Variants in TVP23C observed in about 807,000 individuals in gnomAD.
The protein encoded by TVP23C is trans-golgi network vesicle protein 23 homolog C.
A neutral mutation model predicts 28.7 loss-of-function variants in TVP23C; 19 were observed. The observed-to-expected ratio is 0.66, with a 90% confidence interval of 0.46 to 0.97. The LOEUF is 0.97. Ranked by LOEUF, TVP23C falls within the 50% of genes least tolerant of loss-of-function variation. TVP23C has a pLI of 0.00. For synonymous variants in TVP23C, 68 were observed against 81.7 expected, an observed-to-expected ratio of 0.83 and a Z score of 0.90; for missense variants, 186 against 241.3, an observed-to-expected ratio of 0.77 and a Z score of 1.52.
chr17:15,559,549 G>A (rs1367229206), intron 1 of TVP23C, among the ~76,000 whole-genome samples: 1 of 148,542 alleles, frequency 6.7e-6, no homozygotes, highest in African/African-American at 2.4e-5. Flanking sequence ...CTGTTAGAAA[G>A]AGAATTCTGG....
intron 5 of TVP23C, among the ~76,000 whole-genome samples, chr17:15,527,688 G>C (rs1045167212): frequency 2.0e-5 from 3 of 152,140 alleles, no homozygotes; most frequent in Non-Finnish European, 4.4e-5. Context: ...GTAAAAATGG[G>C]ATAAGTGACT....
At chr17:15,536,164 T>A (rs1328103581), downstream of TVP23C, among the ~76,000 whole-genome samples, 1 of 151,962 alleles carries the variant, frequency 6.6e-6, no homozygotes, top group South Asian at 2.1e-4. Flanking sequence ...CACTCCAGCC[T>A]GGGTGACAAG....
intron 2 of TVP23C, 73 bp downstream of exon 2, chr17:15,555,209 C>T (rs1984073910): frequency 1.1e-5 from 18 of 1,596,734 alleles, no homozygotes; most frequent in Non-Finnish European, 1.5e-5. Flanking sequence ...GCCTTGACTC[C>T]CATCAGCTAG....
intron 5 of TVP23C, among the ~76,000 whole-genome samples, chr17:15,530,295 T>C (rs1348186963): frequency 6.6e-6 from 1 of 152,224 alleles, no homozygotes; most frequent in African/African-American, 2.4e-5. Flanking sequence ...CTTGTTCCTC[T>C]TATTGTATTT....
intron 1 of TVP23C, among the ~76,000 whole-genome samples, chr17:15,557,354 G>A (rs1984180928): frequency 7.1e-6 from 1 of 139,972 alleles, no homozygotes; most frequent in Admixed American, 7.5e-5. Context: ...ACAGTGGTAT[G>A]GTCTCAGCTT....
At chr17:15,561,928 C>T (rs1291267768) in intron 1 of TVP23C, among the ~76,000 whole-genome samples, 2 of 152,196 alleles carry the variant, frequency 1.3e-5, no homozygotes, top group Non-Finnish European at 2.9e-5. Flanking sequence ...CCACCAAGAC[C>T]AAGATGGCCA....
At chr17:15,509,997 G>C (rs1266986867) in intron 5 of TVP23C, among the ~76,000 whole-genome samples, 1 of 152,144 alleles carries the variant, frequency 6.6e-6, no homozygotes, top group Non-Finnish European at 1.5e-5. Flanking sequence ...CCTGCCAATG[G>C]GCTATGAGTG....
At chr17:15,551,410 T>C (rs1414612604) in intron 3 of TVP23C, among the ~76,000 whole-genome samples, 4 of 152,106 alleles carry the variant, frequency 2.6e-5, no homozygotes, top group Middle Eastern at 3.2e-3. Flanking sequence ...CCAGCCATAG[T>C]TGCCATTAAA....
At chr17:15,529,414 T>G (rs1421305723) in intron 5 of TVP23C, among the ~76,000 whole-genome samples, 1 of 152,004 alleles carries the variant, frequency 6.6e-6, no homozygotes, top group East Asian at 1.9e-4. Context: ...TCAGCGCCAC[T>G]GCACTCCAGC....
Position 15,539,831 on chromosome 17 carries a change from C to G in TVP23C, c.*581G>C, listed in dbSNP as rs553566523. 6.0e-5 allele frequency: 58 copies of G among 959,486 alleles called. No homozygotes were observed. The highest frequency in any genetic ancestry group is 6.9e-5 in the Non-Finnish European group (56 of 806,510). 59.4% of individuals were successfully genotyped at this position (959,486 alleles called of 1,614,324 possible). On this transcript the variant is annotated 3_prime_UTR_variant, in exon 6 of 6. Transcript: ENST00000518321. Reference sequence around the variant, plus strand: ...CATACAGGCTGGGCACGGTGGCTCACGCCTGTAATCCCAGCACTTTGGGAG... The same window carrying G: ...CATACAGGCTGGGCACGGTGGCTCAGGCCTGTAATCCCAGCACTTTGGGAG...
chr17:15,559,038 C>T lies in TVP23C; in HGVS notation c.13-3674G>A, dbSNP rs1379928590. On this transcript the variant is annotated intron_variant, in intron 1 of 5. Coordinates refer to ENST00000518321, the MANE Select transcript of TVP23C (RefSeq NM_001135036.2). Reference sequence around the variant, plus strand: ...ATAGGGTCTCGTTATGTTGCCCAGGCTAGTCTCAAACTCCCGGGCTCAAGC... The same window carrying T: ...ATAGGGTCTCGTTATGTTGCCCAGGTTAGTCTCAAACTCCCGGGCTCAAGC... 3.4e-5 allele frequency among the ~76,000 whole-genome samples: 5 copies of T among 147,746 alleles called. 1 individual carries two copies. The highest frequency in any genetic ancestry group is 7.6e-5 in the Non-Finnish European group (5 of 66,220).
intron 5 of TVP23C, among the ~76,000 whole-genome samples, chr17:15,531,389 T>C (rs1982944780): frequency 6.6e-6 from 1 of 152,244 alleles, no homozygotes; most frequent in East Asian, 1.9e-4. Flanking sequence ...AAATATTATT[T>C]CTGCCTTTTT....
Position 15,553,827 on chromosome 17 carries a change from T to C in TVP23C, c.98A>G (p.His33Arg), listed in dbSNP as rs756137975. ...TNRPRKAKIR[H>R]PVASFFHLFF... Reference sequence around the variant, plus strand: ...TAAGTGGAAAAACGATGCTACTGGATGTCTGAAAACCAAAACACAATGAAA... The same window carrying C: ...TAAGTGGAAAAACGATGCTACTGGACGTCTGAAAACCAAAACACAATGAAA... Residue 33 changes from histidine to arginine, a missense_variant and splice_region_variant, in exon 3 of 6, where the codon CAT becomes CGT. This residue lies in a region of TVP23C where 92 missense variants were observed against 94.3 expected (regional missense o/e 0.98). Coordinates refer to ENST00000518321, the MANE Select transcript of TVP23C (RefSeq NM_001135036.2). The C allele has an allele frequency of 6.2e-7, 1 of 1,613,804 alleles. No individual in the cohort carries two copies. Among genetic ancestry groups the C allele is most frequent in the East Asian group, 2.2e-5 (1 of 44,868 alleles).
At chr17:15,530,022 C>T (rs1597521451) in intron 5 of TVP23C, among the ~76,000 whole-genome samples, 1 of 152,288 alleles carries the variant, frequency 6.6e-6, no homozygotes, top group East Asian at 1.9e-4. Flanking sequence ...TGGTCTTGAA[C>T]TCCTGACCTC....
chr17:15,506,934 G>C (rs1351221095), intron 5 of TVP23C: 8 of 1,162,486 alleles, frequency 6.9e-6, no homozygotes, highest in Non-Finnish European at 7.5e-6. Context: ...TCTCCTTTGA[G>C]CTGTTTGCAA....
intron 1 of TVP23C, among the ~76,000 whole-genome samples, chr17:15,559,248 C>G (rs1267920047): frequency 7.1e-6 from 1 of 140,886 alleles, no homozygotes; most frequent in Non-Finnish European, 1.5e-5. Flanking sequence ...CTGATTTCTT[C>G]TCATTTATTC....
At chr17:15,523,571 AGTG>A (rs1210712136) in intron 5 of TVP23C, among the ~76,000 whole-genome samples, 8 of 151,560 alleles carry the variant, frequency 5.3e-5, no homozygotes, top group Non-Finnish European at 1.2e-4. Context: ...GGCCTCCCAA[AGTG>A]CTGAGATTAC....
At chr17:15,544,690 C>A (rs2109106) in intron 5 of TVP23C, among the ~76,000 whole-genome samples, 67 of 152,254 alleles carry the variant, frequency 4.4e-4, no homozygotes, top group African/African-American at 1.6e-3. Flanking sequence ...ATACTGAATA[C>A]ATTTCCTAAT....
Position 15,540,008 on chromosome 17 carries a change from A to C in TVP23C, c.*404T>G. The stretch of plus-strand genomic sequence containing the variant: ...CTCATAAGGCTGAGGCAGGAGAATC[A>C]CATGAACCCGGGGGGCAGAGGTTGC... On this transcript the variant is annotated 3_prime_UTR_variant, in exon 6 of 6. Coordinates refer to ENST00000518321, the MANE Select transcript of TVP23C (RefSeq NM_001135036.2). 1.6e-6 allele frequency: 1 copy of C among 621,292 alleles called. No individual in the cohort carries two copies. The highest frequency in any genetic ancestry group is 2.0e-5 in the African/African-American group (1 of 49,410). 38.5% of individuals were successfully genotyped at this position (621,292 alleles called of 1,614,324 possible).
Sources: gnomAD v4.1 joint callset for allele counts (sites outside exome capture counted in the v4.1 genomes callset) on GRCh38, gnomAD v4.1.1 for gene constraint, gnomAD v4.1.1 regional missense constraint, MANE v1.5 for transcripts, NCBI Gene and HGNC (gene_info 2026-07-23, HGNC 2026-07-21) for gene names.